The following SDCCAG8 variants were observed in gnomAD, a reference collection of about 807,000 sequenced individuals.
SDCCAG8 encodes SHH signaling and ciliogenesis regulator SDCCAG8.
SDCCAG8 carries 74 observed loss-of-function variants against 101.8 expected under a neutral mutation model. That is an observed-to-expected ratio of 0.73 (90% CI 0.60 to 0.88). SDCCAG8 has a LOEUF of 0.88. Ranked by LOEUF, SDCCAG8 falls within the 40% of genes least tolerant of loss-of-function variation. SDCCAG8 has a pLI of 0.00. For synonymous variants in SDCCAG8, 281 were observed against 292.9 expected, an observed-to-expected ratio of 0.96 and a Z score of 0.41; for missense variants, 787 against 822.6, an observed-to-expected ratio of 0.96 and a Z score of 0.53.
intron 12 of SDCCAG8, among the ~76,000 whole-genome samples, chr1:243,370,664 T>C (rs537772949): frequency 6.6e-6 from 1 of 152,238 alleles, no homozygotes; most frequent in East Asian, 1.9e-4. Flanking sequence ...GAAAGGCACT[T>C]CTTTCTTGCC....
intron 12 of SDCCAG8, among the ~76,000 whole-genome samples, chr1:243,371,852 C>A (rs951115482): frequency 1.3e-5 from 2 of 151,970 alleles, no homozygotes; most frequent in Non-Finnish European, 2.9e-5. Context: ...AATATGGTAG[C>A]CATGGAATCA....
intron 8 of SDCCAG8, among the ~76,000 whole-genome samples, chr1:243,315,107 A>C (rs1323783169): frequency 6.6e-6 from 1 of 152,184 alleles, no homozygotes; most frequent in Non-Finnish European, 1.5e-5. Flanking sequence ...TTTGCTCTTC[A>C]TTAAGTCTTA....
At position 243,293,175 on chromosome 1, in the gene SDCCAG8, G is replaced by A; in HGVS notation, c.631G>A (p.Ala211Thr). Residue 211 changes from alanine (A) to threonine (T), a missense_variant, in exon 6 of 18, where the codon GCA (alanine) becomes ACA (threonine). By Grantham distance (58) the Ala-to-Thr change is moderately conservative. Coordinates refer to ENST00000366541, the MANE Select transcript of SDCCAG8 (RefSeq NM_006642.5). ...CAAAAGACCATTTTCCCATGACAAT[G>A]CAGATTTTGGCAAAGCTGCATCTGC... ...TSKRPFSHDN[A>T]DFGKAASAGE... is the part of the protein sequence containing the mutation. The A allele has an allele frequency of 6.2e-7, 1 of 1,614,164 alleles. No homozygotes were observed.
At chr1:243,354,597 G>C (rs1322742030) in intron 12 of SDCCAG8, among the ~76,000 whole-genome samples, 1 of 152,346 alleles carries the variant, frequency 6.6e-6, no homozygotes, top group African/African-American at 2.4e-5. Flanking sequence ...TGCAAGACCT[G>C]TGAAAGTAAA....
intron 16 of SDCCAG8, among the ~76,000 whole-genome samples, chr1:243,436,563 ACT>A (rs1391040823): frequency 1.3e-5 from 2 of 152,068 alleles, no homozygotes; most frequent in Admixed American, 6.6e-5. Flanking sequence ...TGAGAGGAAC[ACT>A]CTTTTTAAAT....
chr1:243,394,971 A>G lies in SDCCAG8; in HGVS notation c.1616+16108A>G, dbSNP rs73118389. 9.3e-3 allele frequency among the ~76,000 whole-genome samples: 1,419 copies of G among 152,260 alleles called. 26 individuals carry two copies. The highest frequency in any genetic ancestry group is 0.033 in the African/African-American group (1,358 of 41,564). On this transcript the variant is annotated intron_variant, in intron 13 of 17. Transcript: ENST00000366541. ...GCAATGACGCATTAAGCAGGTAAAT[A>G]TTAACGGTGTTCTCTGAGTTCCTGA...
chr1:243,370,750 T>G (rs2077244072), intron 12 of SDCCAG8, among the ~76,000 whole-genome samples: 1 of 152,140 alleles, frequency 6.6e-6, no homozygotes, highest in African/African-American at 2.4e-5. Context: ...GCTTCTGAAT[T>G]TAAGTGATCA....
At chr1:243,309,900 T>C (rs1427400653) in intron 8 of SDCCAG8, among the ~76,000 whole-genome samples, 1 of 152,208 alleles carries the variant, frequency 6.6e-6, no homozygotes, top group Non-Finnish European at 1.5e-5. Context: ...AGTCTCTCTC[T>C]GTTGCCAGGC....
chr1:243,332,346 G>A (rs77827420), intron 10 of SDCCAG8, among the ~76,000 whole-genome samples: 5,025 of 152,284 alleles, frequency 0.033, 264 homozygotes, highest in African/African-American at 0.11. Context: ...ATTTATATTT[G>A]AGAAAAATCA....
intron 5 of SDCCAG8, among the ~76,000 whole-genome samples, chr1:243,287,733 C>A (rs926285241): frequency 6.6e-6 from 1 of 152,142 alleles, no homozygotes. Context: ...TAAAAATATT[C>A]ATTTGCTTTT....
chr1:243,358,916 A>G (rs2076540606), intron 12 of SDCCAG8, among the ~76,000 whole-genome samples: 1 of 152,234 alleles, frequency 6.6e-6, no homozygotes, highest in Non-Finnish European at 1.5e-5. Flanking sequence ...GGGCAAATCT[A>G]TAGAGACAGA....
chr1:243,436,310 A>G (rs1471964223), intron 16 of SDCCAG8, among the ~76,000 whole-genome samples: 2 of 151,612 alleles, frequency 1.3e-5, no homozygotes, highest in East Asian at 3.9e-4. Context: ...CTATTGTCCT[A>G]CCTGTGGTCA....
rs11296139 is a variant in SDCCAG8, at chr1:243,388,698, C to CAA, written c.1616+9852_1616+9853dup. Among the ~76,000 whole-genome samples, 1,224 of 134,298 alleles carry CAA rather than the reference C, an allele frequency of 9.1e-3. 4 individuals carry two copies. The highest frequency in any genetic ancestry group is 0.011 in the Admixed American group (153 of 13,492). The allele number at this position is 134,298 out of a possible 152,430, so 88.1% of individuals were successfully genotyped here. ...CAACATAATGAGACCCCAGCTCTAC[C>CAA]AAAAAAAAAAAAAAAAAATTAAAAA... On this transcript the variant is annotated intron_variant, in intron 13 of 17. Transcript: ENST00000366541.
rs530704035 is a variant in SDCCAG8, at chr1:243,451,797, T to C, written c.1985+25239T>C. ...TACAAAAACCAGCCAGGCTTGGTGG[T>C]GCGTGCCTGTAATCCCAGCTACTCA... On this transcript the variant is annotated intron_variant, in intron 16 of 17. Coordinates refer to ENST00000366541, the MANE Select transcript of SDCCAG8 (RefSeq NM_006642.5). 3.3e-5 allele frequency among the ~76,000 whole-genome samples: 5 copies of C among 152,116 alleles called. No individual in the cohort carries two copies. In the East Asian group the frequency reaches 9.7e-4, roughly 30 times the overall value.
Position 243,297,504 on chromosome 1 carries a change from C to T in SDCCAG8, c.675+4285C>T, listed in dbSNP as rs76641328. Among the ~76,000 whole-genome samples, 1,039 of 151,800 alleles carry T rather than the reference C, an allele frequency of 6.8e-3. 12 individuals are homozygous for T. Among genetic ancestry groups the T allele is most frequent in the African/African-American group, 0.024 (1,002 of 41,132 alleles). On this transcript the variant is annotated intron_variant, in intron 6 of 17. Coordinates refer to ENST00000366541, the MANE Select transcript of SDCCAG8 (RefSeq NM_006642.5). ...ACTTGAGTAGGTAATGACAACCTTC[C>T]AAGGGGTTTTATCAGTTTACACTCC...
intron 9 of SDCCAG8, among the ~76,000 whole-genome samples, chr1:243,318,909 T>A (rs1416716195): frequency 6.6e-6 from 1 of 152,212 alleles, no homozygotes; most frequent in Non-Finnish European, 1.5e-5. Context: ...CTGTTTTGCA[T>A]TGCTATAAAG....
At chr1:243,313,999 C>G (rs1487911387) in intron 8 of SDCCAG8, among the ~76,000 whole-genome samples, 1 of 152,194 alleles carries the variant, frequency 6.6e-6, no homozygotes, top group Non-Finnish European at 1.5e-5. Context: ...AGGGGACTGC[C>G]AGCCCAGAGC....
chr1:243,301,891 C>G (rs931021360), intron 6 of SDCCAG8, among the ~76,000 whole-genome samples: 2 of 152,116 alleles, frequency 1.3e-5, no homozygotes, highest in African/African-American at 2.4e-5. Flanking sequence ...GTCAAGATAA[C>G]AAGAGAAGCA....
chr1:243,330,408 AT>A, intron 9 of SDCCAG8, 131 bp from the exon 10 acceptor site: 1 of 836,966 alleles, frequency 1.2e-6, no homozygotes, highest in Non-Finnish European at 1.9e-6. Flanking sequence ...TTGATAAACA[AT>A]AAAAAATTAT....
Sources: gnomAD v4.1 joint callset for allele counts (sites outside exome capture counted in the v4.1 genomes callset) on GRCh38, gnomAD v4.1.1 for gene constraint, MANE v1.5 for transcripts, NCBI Gene and HGNC (gene_info 2026-07-23, HGNC 2026-07-21) for gene names.